Variants in ASTN2 observed in about 807,000 individuals in gnomAD.
ASTN2 encodes astrotactin 2.
ASTN2 carries 54 observed loss-of-function variants against 139.8 expected under a neutral mutation model. The ratio of observed to expected loss-of-function variants is 0.39; its 90% CI spans 0.31 to 0.48. ASTN2 has a LOEUF of 0.48. Ranked by LOEUF, ASTN2 falls within the 20% of genes least tolerant of loss-of-function variation. The pLI, the probability that ASTN2 is intolerant of heterozygous loss-of-function variation, is 0.95. For synonymous variants in ASTN2, 756 were observed against 719.5 expected, an observed-to-expected ratio of 1.05 and a Z score of -0.81; for missense variants, 1,565 against 1,725.1, an observed-to-expected ratio of 0.91 and a Z score of 1.64.
At chr9:117,191,563 A>G (rs1831349174) in intron 3 of ASTN2, among the ~76,000 whole-genome samples, 1 of 152,244 alleles carries the variant, frequency 6.6e-6, no homozygotes, top group Non-Finnish European at 1.5e-5. Context: ...TGATGAATTT[A>G]GCTCTACAGT....
At chr9:116,924,794 C>T (rs12002288) in intron 10 of ASTN2, among the ~76,000 whole-genome samples, 6,846 of 152,164 alleles carry the variant, frequency 0.045, 465 homozygotes, top group African/African-American at 0.15. Context: ...TTTACTGCAA[C>T]CTGTTTTATT....
chr9:117,106,708 C>G (rs879852688), intron 4 of ASTN2, among the ~76,000 whole-genome samples: 1 of 152,142 alleles, frequency 6.6e-6, no homozygotes, highest in East Asian at 1.9e-4. Context: ...TATATGCATA[C>G]GTTTTTACAA....
rs34700881 is a variant in ASTN2 at position 117,362,370 on chromosome 9, GA to G, written c.442+52126del. On this transcript the variant is annotated intron_variant, in intron 1 of 22. Transcript: ENST00000313400. ...TTTTCTGCAGTGCTCGTTGCCCCCG[GA>G]AAAAATCAAAACCTGTGTCATCCAA... Among the ~76,000 whole-genome samples, 15 of 152,044 alleles carry G rather than the reference GA, an allele frequency of 9.9e-5. No homozygotes were observed. In the South Asian group the frequency reaches 2.9e-3, roughly 30 times the overall value.
At chr9:116,847,007 C>CAAAAA (rs11302692) in intron 11 of ASTN2, among the ~76,000 whole-genome samples, 161 of 75,186 alleles carry the variant, frequency 2.1e-3, no homozygotes, top group Middle Eastern at 7.9e-3. Context: ...GCTTCATTCT[C>CAAAAA]AAAAAAAAAA....
intron 19 of ASTN2, among the ~76,000 whole-genome samples, chr9:116,559,509 T>C (rs954051785): frequency 2.6e-5 from 4 of 152,222 alleles, no homozygotes; most frequent in Admixed American, 2.0e-4. Flanking sequence ...CTTAGTGTGT[T>C]TGTGTATGTA....
chr9:116,843,747 G>C (rs1832342265), intron 11 of ASTN2, among the ~76,000 whole-genome samples: 1 of 152,012 alleles, frequency 6.6e-6, no homozygotes, highest in Admixed American at 6.6e-5. Flanking sequence ...TACCAGATGG[G>C]GGAAGGAGGC....
At chr9:116,467,634 C>G (rs1228912390) in intron 20 of ASTN2, among the ~76,000 whole-genome samples, 1 of 152,350 alleles carries the variant, frequency 6.6e-6, no homozygotes, top group East Asian at 1.9e-4. Flanking sequence ...CACTGTTAGA[C>G]TTCCCAGTTA....
chr9:116,561,104 G>A (rs1261630661), intron 19 of ASTN2, among the ~76,000 whole-genome samples: 1 of 152,092 alleles, frequency 6.6e-6, no homozygotes, highest in Non-Finnish European at 1.5e-5. Context: ...TGCTTTAAGA[G>A]AGAGAGAGTG....
chr9:116,576,150 G>A (rs567712277), intron 19 of ASTN2, among the ~76,000 whole-genome samples: 1 of 152,114 alleles, frequency 6.6e-6, no homozygotes, highest in Non-Finnish European at 1.5e-5. Flanking sequence ...CCAGGAGGCC[G>A]GTGTGGAGCA....
intron 2 of ASTN2, among the ~76,000 whole-genome samples, chr9:117,278,740 G>A (rs1024500129): frequency 7.9e-5 from 12 of 152,210 alleles, no homozygotes; most frequent in African/African-American, 2.2e-4. Flanking sequence ...ATTAGCAGCC[G>A]AAGTTTGAAT....
At chr9:117,189,878 T>C (rs768466480) in intron 3 of ASTN2, among the ~76,000 whole-genome samples, 6 of 152,174 alleles carry the variant, frequency 3.9e-5, no homozygotes, top group Non-Finnish European at 8.8e-5. Flanking sequence ...CCTACCCTTA[T>C]ACTAATGGAG....
At chr9:117,353,404 T>A (rs1829446040) in intron 1 of ASTN2, among the ~76,000 whole-genome samples, 1 of 152,204 alleles carries the variant, frequency 6.6e-6, no homozygotes, top group Admixed American at 6.6e-5. Context: ...TACTGAGCAC[T>A]TGAAATCTGG....
At chr9:117,111,322 G>T (rs560302724) in intron 4 of ASTN2, among the ~76,000 whole-genome samples, 1 of 152,222 alleles carries the variant, frequency 6.6e-6, no homozygotes, top group East Asian at 1.9e-4. Context: ...GATCAGTTGG[G>T]TAAAGGAAAT....
intron 1 of ASTN2, among the ~76,000 whole-genome samples, chr9:117,342,300 G>A (rs555381790): frequency 6.6e-6 from 1 of 152,294 alleles, no homozygotes; most frequent in South Asian, 2.1e-4. Context: ...CTGTTGGCAT[G>A]CCACTTAGCC....
intron 13 of ASTN2, among the ~76,000 whole-genome samples, chr9:116,788,385 A>T (rs1028014983): frequency 6.6e-6 from 1 of 152,232 alleles, no homozygotes; most frequent in Non-Finnish European, 1.5e-5. Flanking sequence ...GCTTGATTTA[A>T]TCATTCCACA....
At chr9:116,450,935 T>C (rs1267846170) in intron 20 of ASTN2, among the ~76,000 whole-genome samples, 1 of 152,202 alleles carries the variant, frequency 6.6e-6, no homozygotes, top group African/African-American at 2.4e-5. Context: ...CAACTCAGTC[T>C]GAGGCATGAT....
At chr9:116,724,176 C>T (rs559299277) in intron 16 of ASTN2, among the ~76,000 whole-genome samples, 2 of 152,292 alleles carry the variant, frequency 1.3e-5, no homozygotes, top group East Asian at 1.9e-4. Context: ...ATAAACATAA[C>T]CTAATAGTAT....
At chr9:117,308,066 G>C (rs1835047066) in intron 1 of ASTN2, among the ~76,000 whole-genome samples, 1 of 152,146 alleles carries the variant, frequency 6.6e-6, no homozygotes, top group South Asian at 2.1e-4. Context: ...GTCCTTGAAA[G>C]AGAGAGATAC....
intron 5 of ASTN2, among the ~76,000 whole-genome samples, chr9:117,095,314 T>C (rs534401048): frequency 5.9e-5 from 9 of 152,334 alleles, no homozygotes; most frequent in African/African-American, 2.2e-4. Flanking sequence ...TATGCTGTTT[T>C]CCTTTCAGAG....
Sources: gnomAD v4.1 joint callset for allele counts (sites outside exome capture counted in the v4.1 genomes callset) on GRCh38, gnomAD v4.1.1 for gene constraint, MANE v1.5 for transcripts, NCBI Gene and HGNC (gene_info 2026-07-23, HGNC 2026-07-21) for gene names.